MYO1G: variants seen among roughly 807,000 people sequenced by gnomAD.
MYO1G encodes the protein myosin IG.
Under a neutral mutation model 115.3 loss-of-function variants are expected in MYO1G, and 65 were observed. The observed-to-expected ratio is 0.56, with a 90% CI of 0.46 to 0.69. MYO1G has a LOEUF of 0.69. MYO1G is among the 30% of genes least tolerant of loss of function. The pLI is 0.00. For synonymous variants in MYO1G, 510 were observed against 552.6 expected, an observed-to-expected ratio of 0.92 and a Z score of 1.08; for missense variants, 1,204 against 1,393.5, an observed-to-expected ratio of 0.86 and a Z score of 2.16.
In MYO1G at chr7:44,964,932, G is replaced by A. The variant is rs745390759; in HGVS notation, c.2526+13C>T. 5.0e-6 allele frequency: 8 copies of A among 1,585,630 alleles called. No homozygotes were observed. Among genetic ancestry groups the A allele is most frequent in the Middle Eastern group, 1.7e-4 (1 of 5,974 alleles). On this transcript the variant is annotated intron_variant, in intron 18 of 21. Transcript: ENST00000258787. This position sits in a 1 kb window ranked among gnomAD's most constrained non-coding sequence, Gnocchi z 5.1. ...ACTTCCCCCTGGCAGCCCTGGACTC[G>A]CCTGGCACTTACAGAGGACAGGTAG...
At chr7:44,977,146 C>T in intron 1 of MYO1G, 75 bp from the exon 2 acceptor site, 1 of 1,434,238 alleles carries the variant, frequency 7.0e-7, no homozygotes, top group Non-Finnish European at 9.5e-7. Context: ...GAGCCCATAT[C>T]AGGGCCTGGC....
intron 5 of MYO1G, chr7:44,972,679 G>A: frequency 5.7e-6 from 1 of 176,826 alleles, no homozygotes; most frequent in Non-Finnish European, 1.2e-5. Context: ...TGGAGACCCT[G>A]CCCCTGTCCC....
At position 44,963,099 on chromosome 7, in the gene MYO1G, C is replaced by T; in HGVS notation, c.2771G>A (p.Gly924Glu). The T allele has an allele frequency of 6.6e-7, 1 of 1,512,758 alleles. No individual in the cohort carries two copies. The highest frequency in any genetic ancestry group is 8.8e-7 in the Non-Finnish European group (1 of 1,136,348). The allele number at this position is 1,512,758 out of a possible 1,614,324, so 93.7% of individuals were successfully genotyped here. ...GTGCAGCACCACCAGCTGGTCTCCTCCGCTGGTCACGCTCAGCCCCGTCAC... is the reference window on the plus strand; with the variant it reads ...GTGCAGCACCACCAGCTGGTCTCCTTCGCTGGTCACGCTCAGCCCCGTCAC... ...EAVTGLSVTSGGDQLVVLHAR... is the reference protein window; with the variant it reads ...EAVTGLSVTSEGDQLVVLHAR... The change falls in exon 21 of 22, where the codon GGA becomes GAA. Residue 924 changes from glycine to glutamate, a missense_variant. Transcript: ENST00000258787. This position sits in a 1 kb window ranked among gnomAD's most constrained non-coding sequence, Gnocchi z 4.1.
chr7:44,965,769 G>A lies in MYO1G; in HGVS notation c.2249C>T (p.Ala750Val), dbSNP rs779052877. The A allele has an allele frequency of 1.7e-4, 270 of 1,608,072 alleles. No individual in the cohort carries two copies. The highest frequency in any genetic ancestry group is 2.1e-4 in the Non-Finnish European group (253 of 1,179,980). Reference sequence around the variant, plus strand: ...TCGCCGCTGCAGCTCAGCCAGGTGAGCCCGCACCTTGTGTCTCCGGAACCA... The same window carrying A: ...TCGCCGCTGCAGCTCAGCCAGGTGAACCCGCACCTTGTGTCTCCGGAACCA... ...MRWFRRHKVR[A>V]HLAELQRRFQ... Residue 750 changes from alanine (A) to valine (V), a missense_variant, in exon 17 of 22, where the codon GCT becomes GTT. Transcript: ENST00000258787.
rs773744055 is a variant in MYO1G at position 44,964,135 on chromosome 7, G to A, written c.2659C>T (p.Arg887Trp). 3 of 1,601,360 alleles carry A rather than the reference G, an allele frequency of 1.9e-6. No homozygotes were observed. The highest frequency in any genetic ancestry group is 2.2e-5 in the East Asian group (1 of 44,446). ...KVNRFHKIRNRALLLTDQHLY... is the reference protein window; with the variant it reads ...KVNRFHKIRNWALLLTDQHLY... ...TGCTGGTCTGTGAGCAGGAGGGCCC[G>A]GTTCCGGATCTTGTGGAAGCGGTTC... The change falls in exon 20 of 22, where the codon CGG becomes TGG. Residue 887 changes from arginine (R) to tryptophan (W), a missense_variant. Physicochemically the swap from Arg to Trp is moderately radical, Grantham distance 101. Coordinates refer to ENST00000258787, the MANE Select transcript of MYO1G (RefSeq NM_033054.3). The surrounding 1 kb of genome is among the most constrained non-coding windows in gnomAD (Gnocchi z 5.1).
chr7:44,963,983 G>T lies in MYO1G; in HGVS notation c.2745+66C>A. 7.8e-7 allele frequency: 1 copy of T among 1,276,486 alleles called. No individual in the cohort carries two copies. Among genetic ancestry groups the T allele is most frequent in the Non-Finnish European group, 1.1e-6 (1 of 901,224 alleles). The allele number at this position is 1,276,486 out of a possible 1,614,324, so 79.1% of individuals were successfully genotyped here. A position where few individuals can be genotyped will look rare whatever the true frequency, so the allele number is the denominator to read the frequency against. ...AACAGGGGAGAGAAGACTGAGGCAG[G>T]ACTCTGAGCAGCCCAGCAGTGCCCC... On this transcript the variant is annotated intron_variant, in intron 20 of 21. Transcript: ENST00000258787. The surrounding 1 kb of genome is among the most constrained non-coding windows in gnomAD (Gnocchi z 4.1).
At position 44,966,528 on chromosome 7, in the gene MYO1G, T is replaced by G; in HGVS notation, c.1949+144A>C. 3.0e-6 allele frequency: 3 copies of G among 1,004,780 alleles called. No individual in the cohort carries two copies. The highest frequency in any genetic ancestry group is 4.6e-6 in the Non-Finnish European group (3 of 654,738). The allele number at this position is 1,004,780 out of a possible 1,614,324, so 62.2% of individuals were successfully genotyped here. A position where few individuals can be genotyped will look rare whatever the true frequency, so the allele number is the denominator to read the frequency against. ...GCTCACACACATGTCTTCCCAGATA[T>G]TTTGGTGTCTTGAGGCCAGCAGCGT... On this transcript the variant is annotated intron_variant, in intron 15 of 21. Coordinates refer to ENST00000258787, the MANE Select transcript of MYO1G (RefSeq NM_033054.3). The surrounding 1 kb of genome is among the most constrained non-coding windows in gnomAD (Gnocchi z 5.0).
rs746575329 is a variant in MYO1G at position 44,967,961 on chromosome 7, A to G, written c.1575-3T>C. On this transcript the variant is annotated splice_region_variant and splice_polypyrimidine_tract_variant and intron_variant, in intron 12 of 21. Coordinates refer to ENST00000258787, the MANE Select transcript of MYO1G (RefSeq NM_033054.3). ...CGATGAAGCCTTCCACGGAGTACCT[A>G]CCAGAAGCCAGGGCTGGTGAGGGAG... 1 of 1,613,596 alleles carries G rather than the reference A, an allele frequency of 6.2e-7. No individual in the cohort carries two copies. The highest frequency in any genetic ancestry group is 1.3e-5 in the African/African-American group (1 of 74,910).
chr7:44,967,993 C>G (rs762736790), intron 12 of MYO1G, 35 bp from the exon 13 acceptor site: 1 of 1,595,454 alleles, frequency 6.3e-7, no homozygotes, highest in Admixed American at 1.7e-5. Context: ...GGAGCAGGGG[C>G]GGGGGCTGCC....
intron 5 of MYO1G, chr7:44,974,912 C>T: frequency 1.8e-6 from 1 of 552,636 alleles, no homozygotes; most frequent in Non-Finnish European, 3.3e-6. Context: ...ACTTATGGGT[C>T]CCAGAGAGCC....
At position 44,966,428 on chromosome 7, in the gene MYO1G, A is replaced by G. The variant is rs1207097280; in HGVS notation, c.1950-148T>C. ...CACCTGTGCACATATGTCTTCCCAT[A>G]CACATGTCCTCACATACATGTCCTC... On this transcript the variant is annotated intron_variant, in intron 15 of 21. Coordinates refer to ENST00000258787, the MANE Select transcript of MYO1G (RefSeq NM_033054.3). This position sits in a 1 kb window ranked among gnomAD's most constrained non-coding sequence, Gnocchi z 5.0. 1 of 838,578 alleles carries G rather than the reference A, an allele frequency of 1.2e-6. No individual in the cohort carries two copies. Among genetic ancestry groups the G allele is most frequent in the African/African-American group, 1.7e-5 (1 of 59,602 alleles). The allele number at this position is 838,578 out of a possible 1,614,324, so 51.9% of individuals were successfully genotyped here.
At chr7:44,976,763 C>T in intron 2 of MYO1G, 100 bp downstream of exon 2, 1 of 1,573,912 alleles carries the variant, frequency 6.4e-7, no homozygotes, top group Non-Finnish European at 8.7e-7. Context: ...GTCCTAGGGC[C>T]CCCATCAGGA....
Position 44,966,958 on chromosome 7 carries a change from A to G in MYO1G, c.1783-120T>C. 1 of 1,139,068 alleles carries G rather than the reference A, an allele frequency of 8.8e-7. No individual in the cohort carries two copies. The highest frequency in any genetic ancestry group is 1.5e-5 in the African/African-American group (1 of 64,550). 70.6% of individuals were successfully genotyped at this position (1,139,068 alleles called of 1,614,324 possible). A position where few individuals can be genotyped will look rare whatever the true frequency, so the allele number is the denominator to read the frequency against. ...GCCAGGAGAAGAGTTGGGAACAAAGAAGGGAAATCAGCAGAACAAGGGCCC... is the reference window on the plus strand; with the variant it reads ...GCCAGGAGAAGAGTTGGGAACAAAGGAGGGAAATCAGCAGAACAAGGGCCC... On this transcript the variant is annotated intron_variant, in intron 14 of 21. Coordinates refer to ENST00000258787, the MANE Select transcript of MYO1G (RefSeq NM_033054.3). The surrounding 1 kb of genome is among the most constrained non-coding windows in gnomAD (Gnocchi z 5.0).
Position 44,964,191 on chromosome 7 carries a change from G to A in MYO1G, c.2632-29C>T, listed in dbSNP as rs1306027752. On this transcript the variant is annotated intron_variant, in intron 19 of 21. Transcript: ENST00000258787. This position sits in a 1 kb window ranked among gnomAD's most constrained non-coding sequence, Gnocchi z 5.1. Reference sequence around the variant, plus strand: ...TGGGAGAGGTGGCTGGACCCAGGCTGGTGCTGCCCTGTCACCCACCAGGGC... The same window carrying A: ...TGGGAGAGGTGGCTGGACCCAGGCTAGTGCTGCCCTGTCACCCACCAGGGC... 2.6e-6 allele frequency: 4 copies of A among 1,553,984 alleles called. No individual in the cohort carries two copies. Among genetic ancestry groups the A allele is most frequent in the African/African-American group, 1.4e-5 (1 of 73,556 alleles).
At chr7:44,970,392 C>A (rs924067389) in intron 9 of MYO1G, among the ~76,000 whole-genome samples, 200 bp downstream of exon 9, 1 of 152,148 alleles carries the variant, frequency 6.6e-6, no homozygotes, top group Non-Finnish European at 1.5e-5. Context: ...ACTCATGCCC[C>A]GTAATTCTGC....
chr7:44,967,724 G>T lies in MYO1G; in HGVS notation c.1663C>A (p.Leu555Ile). 3 of 1,613,608 alleles carry T rather than the reference G, an allele frequency of 1.9e-6. No homozygotes were observed. The highest frequency in any genetic ancestry group is 2.5e-6 in the Non-Finnish European group (3 of 1,180,034). ...TGCCCGTCCGGCCACATGGCCCGTA[G>T]AGTGGGGTCCGTGCTGCAGACACAG... ...RLLYNSTDPT[L>I]RAMWPDGQQD... Residue 555 changes from leucine (L) to isoleucine (I), a missense_variant, in exon 14 of 22, where the codon CTA becomes ATA. Leu to Ile is a conservative substitution (Grantham distance 5, BLOSUM62 2). Transcript: ENST00000258787.
At position 44,971,027 on chromosome 7, in the gene MYO1G, AC is replaced by A; in HGVS notation, c.878del (p.Gly293ValfsTer22). On this transcript the variant is annotated frameshift_variant, in exon 8 of 22. Coordinates refer to ENST00000258787, the MANE Select transcript of MYO1G (RefSeq NM_033054.3). LOFTEE classifies it high-confidence loss of function. ...GNIEFVETEE[G>X]GLQKEGLAVA... The stretch of plus-strand genomic sequence containing the variant: ...CTGCCAGGCCCTCCTTCTGCAGCCC[AC>A]CCTCCTCCGTCTCCACAAACTCGAT... 2 of 1,611,928 alleles carry A rather than the reference AC, an allele frequency of 1.2e-6. No individual in the cohort carries two copies.
intron 5 of MYO1G, chr7:44,974,006 A>C (rs1795005614): frequency 6.6e-6 from 1 of 151,696 alleles, no homozygotes; most frequent in African/African-American, 2.4e-5. Context: ...AATAAAGGTC[A>C]GAGTCCACAG....
At chr7:44,971,153 T>C (rs906228428) in intron 7 of MYO1G, 94 bp from the exon 8 acceptor site, 5 of 1,102,048 alleles carry the variant, frequency 4.5e-6, no homozygotes, top group African/African-American at 1.5e-5. Context: ...GCAGGGGACA[T>C]GGATGCGGTA....
Sources: allele counts gnomAD v4.1 joint callset (sites outside exome capture counted in the v4.1 genomes callset), GRCh38; gene constraint gnomAD v4.1.1; non-coding constraint Gnocchi (gnomAD v3.1); transcripts MANE v1.5; gene names NCBI Gene and HGNC (gene_info 2026-07-23, HGNC 2026-07-21).